The following CHN2 variants were observed in gnomAD, a reference collection of about 807,000 sequenced individuals.
The protein encoded by CHN2 is beta-chimaerin.
In CHN2, 35 loss-of-function variants were observed where a neutral mutation model predicts 56.3. The observed-to-expected ratio is 0.62, with a 90% confidence interval of 0.47 to 0.82. The LOEUF (loss-of-function observed/expected upper bound fraction) is 0.82, where lower values mean the gene tolerates loss of function less well. CHN2 is among the 40% of genes least tolerant of loss of function. The pLI, the probability that CHN2 is intolerant of heterozygous loss-of-function variation, is 0.00. For synonymous variants in CHN2, 210 were observed against 212.8 expected (o/e 0.99, Z 0.12); for missense variants, 491 against 580.5 (o/e 0.85, Z 1.58).
chr7:29,258,144 G>C (rs1376350922), intron 1 of CHN2, among the ~76,000 whole-genome samples: 1 of 151,980 alleles, frequency 6.6e-6, no homozygotes, highest in Non-Finnish European at 1.5e-5. Context: ...CAGATTTTTG[G>C]TGGTCCCTAT....
chr7:29,209,596 A>T (rs998170202), intron 1 of CHN2, among the ~76,000 whole-genome samples: 1 of 152,164 alleles, frequency 6.6e-6, no homozygotes, highest in Non-Finnish European at 1.5e-5. Context: ...GTGAGGGTTG[A>T]AGGTTTTGAT....
At chr7:29,168,779 T>C (rs1796238885) in intron 2 of CHN2, among the ~76,000 whole-genome samples, 1 of 152,230 alleles carries the variant, frequency 6.6e-6, no homozygotes, top group South Asian at 2.1e-4. Flanking sequence ...GCACTAGAAG[T>C]AATTTAGTTT....
chr7:29,383,744 G>A (rs1325365972), intron 3 of CHN2, among the ~76,000 whole-genome samples: 2 of 152,188 alleles, frequency 1.3e-5, no homozygotes, highest in African/African-American at 2.4e-5. Context: ...GGTGGTCTGG[G>A]AAGGTCCGAC....
intron 7 of CHN2, among the ~76,000 whole-genome samples, chr7:29,490,779 TTATATTATATTCAGAATA>T (rs1279982465): frequency 6.6e-6 from 1 of 152,208 alleles, no homozygotes; most frequent in Non-Finnish European, 1.5e-5. Context: ...TGAAATGTTA[TTATATTATATTCAGAATA>T]TGGTATGTAT....
chr7:29,299,852 A>C (rs191965962), intron 1 of CHN2, among the ~76,000 whole-genome samples: 17 of 152,348 alleles, frequency 1.1e-4, no homozygotes, highest in Admixed American at 3.3e-4. Context: ...GAGTGCAGAT[A>C]AAAGCATAAG....
rs1476448217 is a variant in CHN2 at position 29,252,580 on chromosome 7, T to TTTTG, written c.49+57593_49+57594insGTTT. On this transcript the variant is annotated intron_variant, in intron 1 of 12. Coordinates refer to ENST00000222792, the MANE Select transcript of CHN2 (RefSeq NM_004067.4). The stretch of plus-strand genomic sequence containing the variant: ...GTTTGTCTAAAATTGCATTCTTTGT[T>TTTTG]TTTTTTTTTTTTTTTTTTTTTTTTT... Among the ~76,000 whole-genome samples, 4 of 15,914 alleles carry TTTTG rather than the reference T, an allele frequency of 2.5e-4. No homozygotes were observed. The East Asian group carries it at 0.02, about 80-fold the overall frequency. The allele number at this position is 15,914 out of a possible 152,430, so 10.4% of individuals were successfully genotyped here. A position where few individuals can be genotyped will look rare whatever the true frequency, so the allele number is the denominator to read the frequency against.
At chr7:29,398,202 A>T in intron 4 of CHN2, 171 bp from the exon 5 acceptor site, 1 of 487,316 alleles carries the variant, frequency 2.1e-6, no homozygotes, top group Non-Finnish European at 3.7e-6. Flanking sequence ...TGTTTGGAGC[A>T]TGTGAGGGGT....
At chr7:29,442,934 C>CTTTTTTTTTTTCTTTTTTT (rs564931650) in intron 6 of CHN2, among the ~76,000 whole-genome samples, 3 of 103,068 alleles carry the variant, frequency 2.9e-5, no homozygotes, top group African/African-American at 4.8e-5. Flanking sequence ...CATTGAATTT[C>CTTTTTTTTTTTCTTTTTTT]TTTTTTTTTT....
intron 2 of CHN2, among the ~76,000 whole-genome samples, chr7:29,171,024 A>G (rs140966931): frequency 1.1e-3 from 160 of 152,290 alleles, no homozygotes; most frequent in Non-Finnish European, 1.8e-3. Flanking sequence ...GTGTGGGGAC[A>G]CAGCCAAACC....
At chr7:29,509,511 C>G (rs1285180281) in intron 12 of CHN2, 105 bp downstream of exon 12, 1 of 872,026 alleles carries the variant, frequency 1.1e-6, no homozygotes, top group Non-Finnish European at 1.9e-6. Context: ...TGGAGTTTCA[C>G]TGTGCCAGGA....
At chr7:29,333,685 C>G (rs1327574764) in intron 1 of CHN2, among the ~76,000 whole-genome samples, 1 of 152,098 alleles carries the variant, frequency 6.6e-6, no homozygotes, top group East Asian at 1.9e-4. Flanking sequence ...CTATTCCTAC[C>G]ACTAGCGCTT....
intron 6 of CHN2, among the ~76,000 whole-genome samples, chr7:29,443,392 T>A (rs1004955480): frequency 1.3e-5 from 2 of 152,214 alleles, no homozygotes; most frequent in Non-Finnish European, 2.9e-5. Flanking sequence ...CTCTGCCATC[T>A]AGGTTTGTGT....
At chr7:29,270,125 G>A (rs1790500665) in intron 1 of CHN2, among the ~76,000 whole-genome samples, 1 of 152,092 alleles carries the variant, frequency 6.6e-6, no homozygotes, top group Non-Finnish European at 1.5e-5. Flanking sequence ...AATAATAATA[G>A]CTGTCAATTG....
In CHN2 at chr7:29,149,070, C is replaced by T. The variant is rs541166137; in HGVS notation, c.274+2110C>T. 3.3e-5 allele frequency among the ~76,000 whole-genome samples: 5 copies of T among 151,688 alleles called. No homozygotes were observed. In the East Asian group the frequency reaches 5.8e-4, roughly 18 times the overall value. ...GACACCAGGCGTGTTCAGGGTGGGT[C>T]GGGGGTTAACTAATACTGAGGTTAG... On this transcript the variant is annotated intron_variant, in intron 2 of 6. Transcript: ENST00000439384.
chr7:29,176,142 C>T (rs981211097), intron 2 of CHN2, among the ~76,000 whole-genome samples: 5 of 151,522 alleles, frequency 3.3e-5, no homozygotes, highest in South Asian at 4.2e-4. Context: ...GCCAAGATCG[C>T]GCCACTGCAC....
chr7:29,252,579 T>TTTTTTTTTG (rs1788674517), intron 1 of CHN2, among the ~76,000 whole-genome samples: 1 of 10,304 alleles, frequency 9.7e-5, no homozygotes, highest in Non-Finnish European at 1.5e-4. Context: ...GCATTCTTTG[T>TTTTTTTTTG]TTTTTTTTTT....
intron 6 of CHN2, among the ~76,000 whole-genome samples, chr7:29,436,618 C>T (rs974289651): frequency 6.6e-6 from 1 of 152,140 alleles, no homozygotes; most frequent in Non-Finnish European, 1.5e-5. Flanking sequence ...TCATGCACTT[C>T]CAAGGATTGT....
intron 2 of CHN2, among the ~76,000 whole-genome samples, chr7:29,180,053 A>G (rs928198074): frequency 6.6e-6 from 1 of 152,220 alleles, no homozygotes; most frequent in South Asian, 2.1e-4. Flanking sequence ...TCAATGATGT[A>G]GGTTATTTCA....
chr7:29,311,827 G>T (rs577645798), intron 1 of CHN2, among the ~76,000 whole-genome samples: 1 of 152,204 alleles, frequency 6.6e-6, no homozygotes. Context: ...CCATGTGTCA[G>T]GCATTGTTTT....
Sources: allele counts gnomAD v4.1 joint callset (sites outside exome capture counted in the v4.1 genomes callset), GRCh38; gene constraint gnomAD v4.1.1; transcripts MANE v1.5; gene names NCBI Gene and HGNC (gene_info 2026-07-23, HGNC 2026-07-21).